Variants in RSRC1 observed in about 807,000 individuals in gnomAD.
RSRC1 encodes arginine and serine rich coiled-coil 1.
Under a neutral mutation model 49.1 loss-of-function variants are expected in RSRC1, and 39 were observed. The ratio of observed to expected loss-of-function variants is 0.79; its 90% CI spans 0.61 to 1.04. RSRC1 has a LOEUF of 1.04. Ranked by LOEUF, RSRC1 falls within the 50% of genes least tolerant of loss-of-function variation. The pLI, the probability that RSRC1 is intolerant of heterozygous loss-of-function variation, is 0.00. For synonymous variants in RSRC1, 143 were observed against 130.8 expected (o/e 1.09, Z -0.63); for missense variants, 388 against 402.4 (o/e 0.96, Z 0.31).
In RSRC1 at chr3:158,346,128, C is replaced by T. The variant is rs183136458; in HGVS notation, c.532-8729C>T. On this transcript the variant is annotated intron_variant, in intron 5 of 9. Transcript: ENST00000611884. The stretch of plus-strand genomic sequence containing the variant: ...AGATTAGGTAAAGATTTCTTAAATA[C>T]ACCACCATAAAAGCCTGATTCCTAA... 2.5e-3 allele frequency among the ~76,000 whole-genome samples: 377 copies of T among 152,134 alleles called. 2 individuals are homozygous for T. Among genetic ancestry groups the T allele is most frequent in the African/African-American group, 8.8e-3 (365 of 41,510 alleles).
intron 5 of RSRC1, among the ~76,000 whole-genome samples, chr3:158,329,141 A>G (rs920715554): frequency 1.3e-5 from 2 of 152,126 alleles, no homozygotes; most frequent in African/African-American, 4.8e-5. Flanking sequence ...CATTCATCTA[A>G]TCTTTTTTCA....
chr3:158,241,228 A>T (rs981790405), intron 4 of RSRC1, among the ~76,000 whole-genome samples: 9 of 152,098 alleles, frequency 5.9e-5, no homozygotes, highest in African/African-American at 2.2e-4. Context: ...TGGGTGGATC[A>T]CTTGAGACCA....
chr3:158,496,826 GA>G, intron 7 of RSRC1: 1 of 213,956 alleles, frequency 4.7e-6, no homozygotes, highest in Admixed American at 4.1e-5. Context: ...CTCAGAGAGG[GA>G]AAACCCTATA....
At chr3:158,190,672 G>A (rs1412630109) in intron 3 of RSRC1, among the ~76,000 whole-genome samples, 3 of 148,122 alleles carry the variant, frequency 2.0e-5, no homozygotes, top group Non-Finnish European at 4.5e-5. Context: ...ATTTTCAAGT[G>A]TTATGTTACA....
intron 7 of RSRC1, among the ~76,000 whole-genome samples, chr3:158,493,653 G>A (rs1739189419): frequency 6.6e-6 from 1 of 152,058 alleles, no homozygotes; most frequent in Non-Finnish European, 1.5e-5. Flanking sequence ...CCACAATATG[G>A]GCAGGCAGCA....
chr3:158,351,469 T>A (rs941562026), intron 5 of RSRC1, among the ~76,000 whole-genome samples: 2 of 152,244 alleles, frequency 1.3e-5, no homozygotes, highest in African/African-American at 4.8e-5. Flanking sequence ...TTGATCAATG[T>A]AACAGTATAT....
At chr3:158,248,158 C>A (rs1724007006) in intron 4 of RSRC1, among the ~76,000 whole-genome samples, 1 of 152,162 alleles carries the variant, frequency 6.6e-6, no homozygotes, top group East Asian at 1.9e-4. Flanking sequence ...GTCCATCTTG[C>A]CCTATACCCC....
intron 3 of RSRC1, among the ~76,000 whole-genome samples, chr3:158,151,682 T>C (rs138440395): frequency 6.6e-6 from 1 of 152,250 alleles, no homozygotes; most frequent in East Asian, 1.9e-4. Context: ...ATTCTTAAAA[T>C]CTAGTGAGAA....
intron 6 of RSRC1, among the ~76,000 whole-genome samples, chr3:158,363,267 T>TC (rs1328510951): frequency 8.3e-5 from 11 of 132,180 alleles, no homozygotes; most frequent in African/African-American, 3.6e-4. Flanking sequence ...TACTTTTTTT[T>TC]TCTTTTTTTT....
At chr3:158,487,656 C>T (rs1738867025) in intron 7 of RSRC1, among the ~76,000 whole-genome samples, 1 of 151,914 alleles carries the variant, frequency 6.6e-6, no homozygotes, top group Non-Finnish European at 1.5e-5. Flanking sequence ...AAAAAAGTGC[C>T]TGAATAAAAA....
chr3:158,227,283 C>T (rs561223652), intron 4 of RSRC1, among the ~76,000 whole-genome samples: 3 of 152,022 alleles, frequency 2.0e-5, no homozygotes, highest in Admixed American at 6.6e-5. Context: ...ATATGGACCT[C>T]CTTGTCCTGC....
chr3:158,544,210 GA>G lies in RSRC1; in HGVS notation c.945del (p.Lys315AsnfsTer6). The G allele has an allele frequency of 6.2e-7, 1 of 1,612,378 alleles. No individual in the cohort carries two copies. Among genetic ancestry groups the G allele is most frequent in the Non-Finnish European group, 8.5e-7 (1 of 1,179,296 alleles). Reference protein sequence around the residue: ...NLFIEKADAEEKWFKRLIALR... With the variant: ...NLFIEKADAEXKWFKRLIALR... Reference sequence around the variant, plus strand: ...ATTTATCGAGAAAGCTGATGCTGAGGAAAAATGGTTCAAGAGATTAATTGCT... The same window carrying G: ...ATTTATCGAGAAAGCTGATGCTGAGGAAAATGGTTCAAGAGATTAATTGCT... On this transcript the variant is annotated frameshift_variant, in exon 10 of 10. Transcript: ENST00000611884. LOFTEE classifies it high-confidence loss of function.
intron 7 of RSRC1, among the ~76,000 whole-genome samples, chr3:158,519,300 T>C (rs1397022770): frequency 6.6e-6 from 1 of 152,146 alleles, no homozygotes; most frequent in Non-Finnish European, 1.5e-5. Flanking sequence ...CTGGTTTCTT[T>C]ACTCTCTTAC....
chr3:158,249,679 T>C (rs1475658186), intron 4 of RSRC1, among the ~76,000 whole-genome samples: 3 of 152,082 alleles, frequency 2.0e-5, no homozygotes, highest in African/African-American at 7.2e-5. Context: ...AATTAAAAAT[T>C]TATTTTTATT....
At chr3:158,213,326 C>T (rs1267320921) in intron 4 of RSRC1, among the ~76,000 whole-genome samples, 4 of 151,596 alleles carry the variant, frequency 2.6e-5, no homozygotes, top group Non-Finnish European at 5.9e-5. Flanking sequence ...GTGTAAATGT[C>T]GTCAACATAT....
chr3:158,124,125 T>G, intron 3 of RSRC1, 134 bp downstream of exon 3: 1 of 548,270 alleles, frequency 1.8e-6, no homozygotes, highest in South Asian at 3.1e-5. Flanking sequence ...TTTTCTCACC[T>G]GGGGTCATTC....
At chr3:158,154,575 C>G (rs939165217) in intron 3 of RSRC1, among the ~76,000 whole-genome samples, 3 of 151,834 alleles carry the variant, frequency 2.0e-5, no homozygotes, top group African/African-American at 7.3e-5. Flanking sequence ...AGCAATTCTC[C>G]TGTCTCAGCC....
At chr3:158,460,041 A>G (rs1438007051) in intron 6 of RSRC1, among the ~76,000 whole-genome samples, 1 of 151,948 alleles carries the variant, frequency 6.6e-6, no homozygotes, top group Non-Finnish European at 1.5e-5. Flanking sequence ...TTTAAATCAC[A>G]GTTTACATTG....
chr3:158,113,125 A>G (rs1714524595), intron 1 of RSRC1, among the ~76,000 whole-genome samples: 1 of 107,372 alleles, frequency 9.3e-6, no homozygotes, highest in African/African-American at 3.7e-5. Flanking sequence ...GTGTCTTTAT[A>G]ACAGAATGAT....
Sources: allele counts gnomAD v4.1 joint callset (sites outside exome capture counted in the v4.1 genomes callset), GRCh38; gene constraint gnomAD v4.1.1; transcripts MANE v1.5; gene names NCBI Gene and HGNC (gene_info 2026-07-23, HGNC 2026-07-21).